LRRC3C: variants seen among roughly 807,000 people sequenced by gnomAD.
LRRC3C encodes leucine rich repeat containing 3C.
Under a neutral mutation model 14.8 loss-of-function variants are expected in LRRC3C, and 11 were observed. The observed-to-expected ratio is 0.74, with a 90% CI of 0.47 to 1.23. The LOEUF (loss-of-function observed/expected upper bound fraction) is 1.23. Ranked by LOEUF, LRRC3C falls within the 50% of genes most tolerant of loss-of-function variation. LRRC3C has a pLI of 0.00. For synonymous variants in LRRC3C, 149 were observed against 161.5 expected, an observed-to-expected ratio of 0.92 and a Z score of 0.59; for missense variants, 354 against 361.8, an observed-to-expected ratio of 0.98 and a Z score of 0.18.
rs141536368 is a variant in LRRC3C at position 39,937,588 on chromosome 17, C to T, written c.-82+1694C>T. On this transcript the variant is annotated intron_variant, in intron 2 of 3. Transcript: ENST00000377924. ...CCCCTGGCCTTTGCCACCACCCCCT[C>T]CATCCACGCAGTGATCTGGAAGCCA... is the stretch of plus-strand genomic sequence containing the variant. Among the ~76,000 whole-genome samples the T allele has an allele frequency of 3.0e-3, 454 of 152,386 alleles. 4 individuals are homozygous for T. Among genetic ancestry groups the T allele is most frequent in the African/African-American group, 0.011 (442 of 41,590 alleles).
chr17:39,933,495 G>A (rs974353922), intron 1 of LRRC3C, among the ~76,000 whole-genome samples: 1 of 152,212 alleles, frequency 6.6e-6, no homozygotes, highest in Non-Finnish European at 1.5e-5. Flanking sequence ...AGCACTTTGG[G>A]AGGCCGAGGC....
At chr17:39,937,987 C>T (rs1467596158) in intron 2 of LRRC3C, among the ~76,000 whole-genome samples, 1 of 152,136 alleles carries the variant, frequency 6.6e-6, no homozygotes, top group Non-Finnish European at 1.5e-5. Context: ...CAAAAATTAG[C>T]TGGGCATAGT....
chr17:39,940,984 T>G (rs1251571813), intron 2 of LRRC3C, among the ~76,000 whole-genome samples: 1 of 151,926 alleles, frequency 6.6e-6, no homozygotes, highest in Non-Finnish European at 1.5e-5. Flanking sequence ...CCTCAAGTGA[T>G]CCACCCACCT....
In LRRC3C at chr17:39,944,628, T is replaced by G; in HGVS notation, c.722T>G (p.Val241Gly). 1 of 1,535,842 alleles carries G rather than the reference T, an allele frequency of 6.5e-7. No homozygotes were observed. The highest frequency in any genetic ancestry group is 8.7e-7 in the Non-Finnish European group (1 of 1,146,834). Residue 241 changes from valine (V) to glycine (G), a missense_variant, in exon 4 of 4, where the codon GTG (valine) becomes GGG (glycine). Val to Gly is a moderately radical substitution (Grantham distance 109). Coordinates refer to ENST00000377924, the MANE Select transcript of LRRC3C (RefSeq NM_001195545.2). ...CTGACACTCATGGTGGCTTATCTGG[T>G]GCATTATGTGTGGCAGAACCGAGAT... ...GWLTLMVAYL[V>G]HYVWQNRDET... is the part of the protein sequence containing the mutation.
chr17:39,938,391 T>C (rs2144763893), intron 2 of LRRC3C, among the ~76,000 whole-genome samples: 1 of 152,204 alleles, frequency 6.6e-6, no homozygotes, highest in African/African-American at 2.4e-5. Context: ...CGAGATGGCC[T>C]GAGTTGACCC....
intron 1 of LRRC3C, among the ~76,000 whole-genome samples, chr17:39,932,336 T>G (rs1405344542): frequency 6.6e-6 from 1 of 152,214 alleles, no homozygotes. Context: ...TGTGTTGCCT[T>G]TTATTAATTC....
At chr17:39,938,110 C>T (rs1433516157) in intron 2 of LRRC3C, among the ~76,000 whole-genome samples, 5 of 151,888 alleles carry the variant, frequency 3.3e-5, no homozygotes, top group African/African-American at 7.3e-5. Flanking sequence ...CCAGCCTGGG[C>T]GACAGAGTGA....
At chr17:39,934,945 G>A (rs771896850) in intron 1 of LRRC3C, among the ~76,000 whole-genome samples, 6 of 152,104 alleles carry the variant, frequency 3.9e-5, no homozygotes, top group South Asian at 2.1e-4. Context: ...GTCATGGCGC[G>A]GCTGAAAGTG....
intron 2 of LRRC3C, among the ~76,000 whole-genome samples, chr17:39,937,626 C>T (rs1315996327): frequency 6.6e-6 from 1 of 152,228 alleles, no homozygotes; most frequent in Non-Finnish European, 1.5e-5. Context: ...CCATTTCATG[C>T]TCCCTTGCTC....
At chr17:39,934,316 T>C (rs1978738150) in intron 1 of LRRC3C, among the ~76,000 whole-genome samples, 1 of 152,132 alleles carries the variant, frequency 6.6e-6, no homozygotes, top group African/African-American at 2.4e-5. Flanking sequence ...TGAAAATATT[T>C]CAGATCAAAA....
Position 39,941,412 on chromosome 17 carries a change from C to A in LRRC3C, c.-81-31C>A, listed in dbSNP as rs555177306. 5.1e-5 allele frequency: 36 copies of A among 704,518 alleles called. No homozygotes were observed. The African/African-American group carries it at 5.1e-4, about 10-fold the overall frequency. 43.6% of individuals were successfully genotyped at this position (704,518 alleles called of 1,614,324 possible). The stretch of plus-strand genomic sequence containing the variant: ...AGGTTTTTGAAACAAGGGACCCCCC[C>A]ACACACACCCCATTTTTATTTTGCA... On this transcript the variant is annotated intron_variant, in intron 2 of 3. Transcript: ENST00000377924.
In LRRC3C at chr17:39,941,458, T is replaced by C. The variant is rs2144766089; in HGVS notation, c.-66T>C. 1 of 1,340,576 alleles carries C rather than the reference T, an allele frequency of 7.5e-7. No homozygotes were observed. Among genetic ancestry groups the C allele is most frequent in the South Asian group, 1.2e-5 (1 of 80,042 alleles). 83.0% of individuals were successfully genotyped at this position (1,340,576 alleles called of 1,614,324 possible). A position where few individuals can be genotyped will look rare whatever the true frequency, so the allele number is the denominator to read the frequency against. ...TTGCACTCAGCTCTACAATTCCGTG[T>C]CCAGTCCTGGTCACCCATAGTCTTC... On this transcript the variant is annotated 5_prime_UTR_variant, in exon 3 of 4. Transcript: ENST00000377924.
At chr17:39,933,777 G>A (rs1310064767) in intron 1 of LRRC3C, among the ~76,000 whole-genome samples, 1 of 152,146 alleles carries the variant, frequency 6.6e-6, no homozygotes, top group Admixed American at 6.5e-5. Context: ...TTCCCCTGGG[G>A]GAAAGAATAC....
chr17:39,940,825 T>C (rs117079275), intron 2 of LRRC3C, among the ~76,000 whole-genome samples: 10,949 of 152,110 alleles, frequency 0.072, 534 homozygotes, highest in South Asian at 0.17. Flanking sequence ...CGGTGAAACC[T>C]CTGCTTCCTG....
chr17:39,944,801 CCCCTCTGCCT>C lies in LRRC3C; in HGVS notation c.*70_*79del. On this transcript the variant is annotated 3_prime_UTR_variant, in exon 4 of 4. Transcript: ENST00000377924. Reference sequence around the variant, plus strand: ...CCTATGCCCTCTCCTTTGCTCTGACCCCCTCTGCCTCCTGTGCAGCTTCACCCCTGCCCCC... The same window carrying C: ...CCTATGCCCTCTCCTTTGCTCTGACCCCTGTGCAGCTTCACCCCTGCCCCC... 7.0e-7 allele frequency: 1 copy of C among 1,428,092 alleles called. No homozygotes were observed. Among genetic ancestry groups the C allele is most frequent in the Non-Finnish European group, 9.5e-7 (1 of 1,057,820 alleles). 88.5% of individuals were successfully genotyped at this position (1,428,092 alleles called of 1,614,324 possible). A position where few individuals can be genotyped will look rare whatever the true frequency, so the allele number is the denominator to read the frequency against.
rs1038429547 is a variant in LRRC3C at position 39,937,535 on chromosome 17, A to G, written c.-82+1641A>G. ...AATGCATCCATGGCGTGCAAGCCAC[A>G]AGGATCTGCTCCCTTTTTACTTCTT... On this transcript the variant is annotated intron_variant, in intron 2 of 3. Transcript: ENST00000377924. 3.3e-5 allele frequency among the ~76,000 whole-genome samples: 5 copies of G among 152,262 alleles called. No individual in the cohort carries two copies. In the East Asian group the frequency reaches 9.6e-4, roughly 29 times the overall value.
At chr17:39,934,109 A>T (rs1049201209) in intron 1 of LRRC3C, among the ~76,000 whole-genome samples, 1 of 152,166 alleles carries the variant, frequency 6.6e-6, no homozygotes, top group African/African-American at 2.4e-5. Context: ...CCAGTCCTGT[A>T]GTTGGCTATT....
In LRRC3C at chr17:39,927,784, C is replaced by A. The variant is rs541599997; in HGVS notation, c.-205C>A. The A allele has an allele frequency of 7.1e-6, 7 of 985,480 alleles. No homozygotes were observed. The African/African-American group carries it at 1.2e-4, about 17-fold the overall frequency. 61.0% of individuals were successfully genotyped at this position (985,480 alleles called of 1,614,324 possible). A position where few individuals can be genotyped will look rare whatever the true frequency, so the allele number is the denominator to read the frequency against. On this transcript the variant is annotated 5_prime_UTR_variant, in exon 1 of 4. Coordinates refer to ENST00000377924, the MANE Select transcript of LRRC3C (RefSeq NM_001195545.2). The stretch of plus-strand genomic sequence containing the variant: ...CGCACGGTTGGAAGTTGTACCGTGA[C>A]GTGATGGTCAGATCGGATGATAGAA...
chr17:39,938,689 C>T (rs1357319384), intron 2 of LRRC3C, among the ~76,000 whole-genome samples: 1 of 151,770 alleles, frequency 6.6e-6, no homozygotes, highest in Non-Finnish European at 1.5e-5. Context: ...CAGTGAGACC[C>T]TCTCTCAAAA....
Sources: gnomAD v4.1 joint callset for allele counts (sites outside exome capture counted in the v4.1 genomes callset) on GRCh38, gnomAD v4.1.1 for gene constraint, MANE v1.5 for transcripts, NCBI Gene and HGNC (gene_info 2026-07-23, HGNC 2026-07-21) for gene names.